The following CYP4A11 variants were observed in gnomAD, a reference collection of about 807,000 sequenced individuals.
CYP4A11 encodes the protein cytochrome P450 family 4 subfamily A member 11, also known as cytochrome P450 4A11.
Under a neutral mutation model 57.7 loss-of-function variants are expected in CYP4A11, and 52 were observed. The observed-to-expected ratio is 0.90, with a 90% CI of 0.72 to 1.14. CYP4A11 has a LOEUF of 1.14. Ranked by LOEUF, CYP4A11 falls within the 50% of genes most tolerant of loss-of-function variation. The pLI is 0.00. For synonymous variants in CYP4A11, 228 were observed against 247.1 expected (o/e 0.92, Z 0.72); for missense variants, 641 against 642.1 (o/e 1.00, Z 0.02).
intron 6 of CYP4A11, among the ~76,000 whole-genome samples, 194 bp from the exon 7 acceptor site, chr1:46,934,753 A>G (rs1681270980): frequency 6.6e-6 from 1 of 152,126 alleles, no homozygotes; most frequent in African/African-American, 2.4e-5. Flanking sequence ...CAGTTCATGG[A>G]GGCTCCTCTT....
chr1:46,931,222 A>G (rs932467187), intron 11 of CYP4A11, among the ~76,000 whole-genome samples: 1 of 152,120 alleles, frequency 6.6e-6, no homozygotes, highest in Non-Finnish European at 1.5e-5. Context: ...CTCAAGGCTA[A>G]AGTCAGATCC....
At chr1:46,933,078 C>T (rs1277894299) in intron 9 of CYP4A11, 31 bp from the exon 10 acceptor site, 1 of 1,613,240 alleles carries the variant, frequency 6.2e-7, no homozygotes, top group Non-Finnish European at 8.5e-7. Flanking sequence ...AGAGAGAAGA[C>T]CAATCATTTG....
chr1:46,941,027 G>T (rs1199489769), intron 1 of CYP4A11: 52 of 980,934 alleles, frequency 5.3e-5, no homozygotes, highest in African/African-American at 1.7e-5. Flanking sequence ...GGAGGGCACG[G>T]GTGATAGAGC....
At chr1:46,932,948 G>A (rs754397659) in intron 10 of CYP4A11, 35 bp downstream of exon 10, 2 of 1,614,102 alleles carry the variant, frequency 1.2e-6, no homozygotes, top group Non-Finnish European at 1.7e-6. Context: ...GGTCTTGAGG[G>A]ATCACCTCAT....
At chr1:46,940,610 AC>A in intron 1 of CYP4A11, 3 of 942,118 alleles carry the variant, frequency 3.2e-6, no homozygotes, top group Non-Finnish European at 3.8e-6. Context: ...CCTCATGTGT[AC>A]CCATAATTGT....
intron 3 of CYP4A11, among the ~76,000 whole-genome samples, 160 bp from the exon 4 acceptor site, chr1:46,936,951 G>A (rs1189706124): frequency 6.6e-6 from 1 of 152,136 alleles, no homozygotes; most frequent in Non-Finnish European, 1.5e-5. Flanking sequence ...GGCAAATGCA[G>A]GAAAAGGAGG....
Position 46,938,039 on chromosome 1 carries a change from C to T in CYP4A11, c.294G>A (p.Gln98=). The T allele has an allele frequency of 3.1e-6, 5 of 1,614,192 alleles. No individual in the cohort carries two copies. The highest frequency in any genetic ancestry group is 4.2e-6 in the Non-Finnish European group (5 of 1,180,042). ...CCTTCATATAGTCAGGGTCATAGAGCTGGACACGAACTTTGCCTCCCCATA... is the reference window on the plus strand; with the variant it reads ...CCTTCATATAGTCAGGGTCATAGAGTTGGACACGAACTTTGCCTCCCCATA... ...HWLWGGKVRV[Q]LYDPDYMKVI... The change falls in exon 2 of 12, where the codon CAG becomes CAA. Residue 98 remains glutamine, a synonymous_variant. Transcript: ENST00000310638.
chr1:46,932,603 A>G lies in CYP4A11; in HGVS notation c.1364+158T>C. On this transcript the variant is annotated intron_variant, in intron 11 of 11. Coordinates refer to ENST00000310638, the MANE Select transcript of CYP4A11 (RefSeq NM_000778.4). ...TGAATGCCACCTTCCTTTTGTACAC[A>G]GAGACGCCCACACCAGGTGCCTGAC... The G allele has an allele frequency of 2.0e-6, 3 of 1,536,140 alleles. No individual in the cohort carries two copies. The South Asian group carries it at 3.9e-5, about 20-fold the overall frequency.
rs9333059 is a variant in CYP4A11 at position 46,932,811 on chromosome 1, C to T, written c.1314G>A (p.Pro438=). 8,702 of 1,614,158 alleles carry T rather than the reference C, an allele frequency of 5.4e-3. 70 individuals carry two copies. Among genetic ancestry groups the T allele is most frequent in the Middle Eastern group, 0.011 (69 of 6,062 alleles). ...AAGCGTGGCTGTGTTGAGCAGAACC[C>T]GGTGCAAAACGGAAAGGGTCAAACA... ...PEVFDPFRFA[P]GSAQHSHAFL... Residue 438 remains proline, a synonymous_variant, in exon 11 of 12, where the codon CCG becomes CCA. Transcript: ENST00000310638.
At chr1:46,930,769 T>C (rs192008187) in intron 11 of CYP4A11, among the ~76,000 whole-genome samples, 62 of 152,136 alleles carry the variant, frequency 4.1e-4, no homozygotes, top group African/African-American at 1.3e-3. Context: ...TGAATCCTCA[T>C]AGGGGCCCCG....
At chr1:46,937,531 C>T (rs528330535) in intron 2 of CYP4A11, among the ~76,000 whole-genome samples, 185 bp from the exon 3 acceptor site, 1 of 152,222 alleles carries the variant, frequency 6.6e-6, no homozygotes, top group Non-Finnish European at 1.5e-5. Flanking sequence ...ACTCAGTGTT[C>T]CAGCAGGAAA....
chr1:46,938,217 G>C, intron 1 of CYP4A11, 80 bp from the exon 2 acceptor site: 1 of 1,565,366 alleles, frequency 6.4e-7, no homozygotes, highest in Non-Finnish European at 8.8e-7. Context: ...GACAACTACA[G>C]GAGCCATGTA....
At chr1:46,936,896 G>C (rs1285934511) in intron 3 of CYP4A11, 105 bp from the exon 4 acceptor site, 1 of 1,470,864 alleles carries the variant, frequency 6.8e-7, no homozygotes, top group African/African-American at 1.4e-5. Context: ...GAGGGAGAAA[G>C]GTGGCTTCTC....
rs547380491 is a variant in CYP4A11 at position 46,941,148 on chromosome 1, A to G, written c.195+91T>C. 8 of 1,519,524 alleles carry G rather than the reference A, an allele frequency of 5.3e-6. No individual in the cohort carries two copies. In the Admixed American group the frequency reaches 1.5e-4, roughly 28 times the overall value. 94.1% of individuals were successfully genotyped at this position (1,519,524 alleles called of 1,614,324 possible). A position where few individuals can be genotyped will look rare whatever the true frequency, so the allele number is the denominator to read the frequency against. On this transcript the variant is annotated intron_variant, in intron 1 of 11. Transcript: ENST00000310638. ...CCTTTGAGTCCTCACATTTGTTACA[A>G]AACAAGGCTTTGCTCTATGGATTTT...
chr1:46,931,809 A>G, intron 11 of CYP4A11: 4 of 797,044 alleles, frequency 5.0e-6, no homozygotes, highest in Non-Finnish European at 6.1e-6. Context: ...CTTTGTTTCT[A>G]CTAAGAATTT....
chr1:46,930,518 C>G (rs1680957214), intron 11 of CYP4A11, among the ~76,000 whole-genome samples: 1 of 152,198 alleles, frequency 6.6e-6, no homozygotes, highest in East Asian at 1.9e-4. Flanking sequence ...TCTTCCTGGG[C>G]TAGCTCCTAA....
intron 4 of CYP4A11, among the ~76,000 whole-genome samples, chr1:46,935,878 A>T (rs559472750): frequency 1.3e-5 from 2 of 152,318 alleles, no homozygotes; most frequent in East Asian, 3.9e-4. Context: ...CATTCAACAG[A>T]TCCTCTCACA....
rs375258408 is a variant in CYP4A11, at chr1:46,933,013, G to A, written c.1257C>T (p.His419=). ...GGTTGGGCCACACTTTTGGGTTGTG[G>A]TGAAGGCCATAAATGGAGAGGAGGA... The part of the protein sequence containing the change: ...IMVLLSIYGL[H]HNPKVWPNPE... Residue 419 remains histidine (H), a synonymous_variant, in exon 10 of 12, where the codon CAC becomes CAT. Transcript: ENST00000310638. 39 of 1,614,040 alleles carry A rather than the reference G, an allele frequency of 2.4e-5. No homozygotes were observed. Among genetic ancestry groups the A allele is most frequent in the Non-Finnish European group, 3.2e-5 (38 of 1,180,026 alleles).
Position 46,933,983 on chromosome 1 carries a change from A to C in CYP4A11, c.1185T>G (p.Thr395=). The C allele has an allele frequency of 6.2e-7, 1 of 1,614,040 alleles. No individual in the cohort carries two copies. The highest frequency in any genetic ancestry group is 8.5e-7 in the Non-Finnish European group (1 of 1,180,000). ...AGCGCCCATCAGGGAAGGTGACGGG[A>C]GTGCTGAGCTCTCTGCCAATGCCTG... ...PVPGIGRELS[T]PVTFPDGRSL... is the part of the protein sequence containing the mutation. Residue 395 remains threonine (T), a synonymous_variant, in exon 9 of 12, where the codon ACT becomes ACG. Transcript: ENST00000310638.
Sources: allele counts gnomAD v4.1 joint callset (sites outside exome capture counted in the v4.1 genomes callset), GRCh38; gene constraint gnomAD v4.1.1; transcripts MANE v1.5; gene names NCBI Gene and HGNC (gene_info 2026-07-23, HGNC 2026-07-21).